Variants in CASP2 observed in about 807,000 individuals in gnomAD.
CASP2 encodes caspase 2.
CASP2 carries 38 observed loss-of-function variants against 54.4 expected under a neutral mutation model. The ratio of observed to expected loss-of-function variants is 0.70; its 90% CI spans 0.54 to 0.92. The LOEUF (loss-of-function observed/expected upper bound fraction) is 0.92. Ranked by LOEUF, CASP2 falls within the 40% of genes least tolerant of loss-of-function variation. CASP2 has a pLI of 0.00. For missense variants in CASP2, 512 were observed against 579.6 expected, an observed-to-expected ratio of 0.88 and a Z score of 1.20; for synonymous variants, 215 against 216.3, an observed-to-expected ratio of 0.99 and a Z score of 0.05.
At chr7:143,293,506 T>G (rs1480278617) in intron 4 of CASP2, among the ~76,000 whole-genome samples, 1 of 149,812 alleles carries the variant, frequency 6.7e-6, no homozygotes, top group African/African-American at 2.5e-5. Context: ...GAGTTTGTGG[T>G]TTTTTGTTTT....
chr7:143,305,100 G>C lies in CASP2; in HGVS notation c.*29G>C. On this transcript the variant is annotated 3_prime_UTR_variant, in exon 11 of 11. Transcript: ENST00000310447. ...CACCTCCCCATCATCCACGCCAAGTGGAAGCCACTGGACCACAGGAGGTGT... is the reference window on the plus strand; with the variant it reads ...CACCTCCCCATCATCCACGCCAAGTCGAAGCCACTGGACCACAGGAGGTGT... 1 of 1,614,026 alleles carries C rather than the reference G, an allele frequency of 6.2e-7. No individual in the cohort carries two copies. Among genetic ancestry groups the C allele is most frequent in the South Asian group, 1.1e-5 (1 of 91,078 alleles).
At position 143,292,103 on chromosome 7, in the gene CASP2, G is replaced by A. The variant is rs4647290; in HGVS notation, c.226-197G>A. Among the ~76,000 whole-genome samples, 1,292 of 152,050 alleles carry A rather than the reference G, an allele frequency of 8.5e-3. 31 individuals carry two copies. Among genetic ancestry groups the A allele is most frequent in the South Asian group, 0.035 (170 of 4,810 alleles). On this transcript the variant is annotated intron_variant, in intron 2 of 10. Transcript: ENST00000310447. ...GGATGTTGTACCTTTCTAAAGAAATGGAAATGCCCTTCTACCGTAGAGCAT... is the reference window on the plus strand; with the variant it reads ...GGATGTTGTACCTTTCTAAAGAAATAGAAATGCCCTTCTACCGTAGAGCAT...
In CASP2 at chr7:143,292,702, A is replaced by G. The variant is rs1801612817; in HGVS notation, c.475+4A>G. ...AAGAAGCTCCGCCTGTCGACAGGTG[A>G]GAATTGATGGACTAAAAGGGGTCCC... On this transcript the variant is annotated splice_donor_region_variant and intron_variant, in intron 4 of 10. Transcript: ENST00000310447. 2 of 1,610,886 alleles carry G rather than the reference A, an allele frequency of 1.2e-6. No homozygotes were observed. The highest frequency in any genetic ancestry group is 1.3e-5 in the African/African-American group (1 of 74,914).
chr7:143,298,677 C>T (rs192175078), intron 6 of CASP2: 1 of 152,276 alleles, frequency 6.6e-6, no homozygotes, highest in East Asian at 1.9e-4. Flanking sequence ...GGCGGACCAC[C>T]AGGTTGCCTA....
At chr7:143,295,107 A>C (rs1267240686) in intron 6 of CASP2, among the ~76,000 whole-genome samples, 1 of 151,754 alleles carries the variant, frequency 6.6e-6, no homozygotes, top group Non-Finnish European at 1.5e-5. Context: ...GGCTCACTGC[A>C]ACCTCTGCCT....
chr7:143,305,270 G>T lies in CASP2; in HGVS notation c.*199G>T. 1 of 681,584 alleles carries T rather than the reference G, an allele frequency of 1.5e-6. No homozygotes were observed. The highest frequency in any genetic ancestry group is 2.6e-6 in the Non-Finnish European group (1 of 387,842). 42.2% of individuals were successfully genotyped at this position (681,584 alleles called of 1,614,324 possible). ...CAGCTCCTTTTCTGTGAAGCCCTTT[G>T]CCTGTAGAGCCAGCCTTGGTTGGAC... On this transcript the variant is annotated 3_prime_UTR_variant, in exon 11 of 11. Coordinates refer to ENST00000310447, the MANE Select transcript of CASP2 (RefSeq NM_032982.4).
intron 6 of CASP2, among the ~76,000 whole-genome samples, chr7:143,297,009 T>C (rs1801774644): frequency 6.6e-6 from 1 of 152,236 alleles, no homozygotes; most frequent in Non-Finnish European, 1.5e-5. Context: ...AAATTTCCTT[T>C]TACCATGTGG....
chr7:143,288,429 C>T lies in CASP2; in HGVS notation c.-27C>T, dbSNP rs1327426178. On this transcript the variant is annotated 5_prime_UTR_variant, in exon 1 of 11. Coordinates refer to ENST00000310447, the MANE Select transcript of CASP2 (RefSeq NM_032982.4). Reference sequence around the variant, plus strand: ...GTTTGTTTGGGCTGTGGGCGGTGCGCAGCGGAGAGCCCGGGAAAAGCGGGA... The same window carrying T: ...GTTTGTTTGGGCTGTGGGCGGTGCGTAGCGGAGAGCCCGGGAAAAGCGGGA... The T allele has an allele frequency of 6.2e-7, 1 of 1,610,488 alleles. No individual in the cohort carries two copies.
Position 143,288,364 on chromosome 7 carries a change from G to C in CASP2, c.-92G>C. Reference sequence around the variant, plus strand: ...GCAGGCGCAGGCGCAGTGTGCGTCCGCGTCTGAGGGGAGGGATGTGGGGGA... The same window carrying C: ...GCAGGCGCAGGCGCAGTGTGCGTCCCCGTCTGAGGGGAGGGATGTGGGGGA... On this transcript the variant is annotated 5_prime_UTR_variant, in exon 1 of 11. Coordinates refer to ENST00000310447, the MANE Select transcript of CASP2 (RefSeq NM_032982.4). 1 of 1,303,234 alleles carries C rather than the reference G, an allele frequency of 7.7e-7. No homozygotes were observed. Among genetic ancestry groups the C allele is most frequent in the Admixed American group, 1.9e-5 (1 of 52,444 alleles). 80.7% of individuals were successfully genotyped at this position (1,303,234 alleles called of 1,614,324 possible).
In CASP2 at chr7:143,288,411, T is replaced by C. The variant is rs1801443705; in HGVS notation, c.-45T>C. The C allele has an allele frequency of 6.3e-7, 1 of 1,597,962 alleles. No homozygotes were observed. Among genetic ancestry groups the C allele is most frequent in the Non-Finnish European group, 8.6e-7 (1 of 1,168,258 alleles). Reference sequence around the variant, plus strand: ...GGGAAGCGACGGCCCCCGGTTTGTTTGGGCTGTGGGCGGTGCGCAGCGGAG... The same window carrying C: ...GGGAAGCGACGGCCCCCGGTTTGTTCGGGCTGTGGGCGGTGCGCAGCGGAG... On this transcript the variant is annotated 5_prime_UTR_variant, in exon 1 of 11. Transcript: ENST00000310447.
At position 143,304,995 on chromosome 7, in the gene CASP2, G is replaced by T; in HGVS notation, c.1283G>T (p.Arg428Leu). ...EGYAPGTEFH[R>L]CKEMSEYCST... The stretch of plus-strand genomic sequence containing the variant: ...TATGCTCCTGGCACAGAATTCCACC[G>T]GTGCAAGGAGATGTCTGAATACTGC... The change falls in exon 11 of 11, where the codon CGG becomes CTG. Residue 428 changes from arginine to leucine, a missense_variant. By Grantham distance (102) the Arg-to-Leu change is moderately radical. Transcript: ENST00000310447. 1 of 1,614,060 alleles carries T rather than the reference G, an allele frequency of 6.2e-7. No individual in the cohort carries two copies. The highest frequency in any genetic ancestry group is 8.5e-7 in the Non-Finnish European group (1 of 1,179,974).
intron 8 of CASP2, chr7:143,300,918 G>C: frequency 9.7e-7 from 1 of 1,027,522 alleles, no homozygotes. Flanking sequence ...AGGATTAAAA[G>C]ACACATAGGT....
chr7:143,295,427 C>T (rs1055706339), intron 6 of CASP2, among the ~76,000 whole-genome samples: 3 of 152,174 alleles, frequency 2.0e-5, no homozygotes, highest in Non-Finnish European at 4.4e-5. Context: ...ATGGGCTGTT[C>T]GTCATTAACC....
intron 4 of CASP2, among the ~76,000 whole-genome samples, chr7:143,292,972 C>T (rs955879949): frequency 5.9e-5 from 9 of 152,060 alleles, no homozygotes; most frequent in Non-Finnish European, 1.3e-4. Flanking sequence ...CACGGTGCCA[C>T]CGCACTCCAG....
chr7:143,294,896 A>T, intron 6 of CASP2, 123 bp downstream of exon 6: 1 of 837,030 alleles, frequency 1.2e-6, no homozygotes, highest in Non-Finnish European at 2.0e-6. Context: ...TTCTACTTAC[A>T]TTTTTACTCA....
intron 6 of CASP2, 120 bp from the exon 7 acceptor site, chr7:143,299,803 C>A: frequency 9.1e-7 from 1 of 1,094,174 alleles, no homozygotes; most frequent in Non-Finnish European, 1.4e-6. Context: ...TCATTGACCA[C>A]AGGAATATAC....
At position 143,289,516 on chromosome 7, in the gene CASP2, A is replaced by G. The variant is rs370284644; in HGVS notation, c.74+987A>G. 6.7e-5 allele frequency: 28 copies of G among 419,654 alleles called. 1 individual carries two copies. The highest frequency in any genetic ancestry group is 1.1e-3 in the Middle Eastern group (1 of 870). The allele number at this position is 419,654 out of a possible 1,614,324, so 26.0% of individuals were successfully genotyped here. On this transcript the variant is annotated intron_variant, in intron 1 of 10. Transcript: ENST00000310447. The stretch of plus-strand genomic sequence containing the variant: ...GGAATATCAATATTAAGGGCAGGCC[A>G]AAGGCCCTCTAAAGAAAACAGGAAC...
Position 143,291,748 on chromosome 7 carries a change from C to CAAAATATGGA in CASP2, c.225+61_225+70dup. 58 of 854,204 alleles carry CAAAATATGGA rather than the reference C, an allele frequency of 6.8e-5. 1 individual carries two copies. Among genetic ancestry groups the CAAAATATGGA allele is most frequent in the South Asian group, 6.5e-4 (50 of 76,420 alleles). 52.9% of individuals were successfully genotyped at this position (854,204 alleles called of 1,614,324 possible). On this transcript the variant is annotated intron_variant, in intron 2 of 10. Coordinates refer to ENST00000310447, the MANE Select transcript of CASP2 (RefSeq NM_032982.4). ...ATCATGGGGTGGGAATAGAGCATGA[C>CAAAATATGGA]AAAATATGGAAAGGGTGTCGTATCT...
chr7:143,300,385 A>C, intron 8 of CASP2, 91 bp downstream of exon 8: 1 of 1,601,362 alleles, frequency 6.2e-7, no homozygotes, highest in Non-Finnish European at 8.5e-7. Flanking sequence ...CTCAGGTGCT[A>C]TTGGATCCCT....
Sources: allele counts gnomAD v4.1 joint callset (sites outside exome capture counted in the v4.1 genomes callset), GRCh38; gene constraint gnomAD v4.1.1; transcripts MANE v1.5; gene names NCBI Gene and HGNC (gene_info 2026-07-23, HGNC 2026-07-21).